Variants in NRXN3 observed in about 807,000 individuals in gnomAD.
NRXN3 encodes the protein neurexin 3.
In NRXN3, 32 loss-of-function variants were observed where a neutral mutation model predicts 137.6. That is an observed-to-expected ratio of 0.23 (90% confidence interval 0.18 to 0.31). NRXN3 has a LOEUF of 0.31. Ranked by LOEUF, NRXN3 falls within the 10% of genes least tolerant of loss-of-function variation. The probability of loss-of-function intolerance (pLI) is 1.00; values close to 1 mark genes in which losing one functional copy is unlikely to be tolerated. For missense variants in NRXN3, 1,574 were observed against 2,062.5 expected, an observed-to-expected ratio of 0.76 and a Z score of 4.59; for synonymous variants, 798 against 784.5, an observed-to-expected ratio of 1.02 and a Z score of -0.29.
intron 3 of NRXN3, chr14:78,283,048 A>G (rs2074628915): frequency 6.6e-6 from 1 of 152,242 alleles, no homozygotes; most frequent in African/African-American, 2.4e-5. Context: ...GGCTGTCTTT[A>G]CTGAGAAGTT....
rs555988367 is a variant in NRXN3, at chr14:79,561,253, A to T, written c.3444+93851A>T. Among the ~76,000 whole-genome samples, 44 of 152,228 alleles carry T rather than the reference A, an allele frequency of 2.9e-4. 1 individual carries two copies. Among genetic ancestry groups the T allele is most frequent in the Admixed American group, 2.6e-3 (40 of 15,278 alleles). Reference sequence around the variant, plus strand: ...ATGCTATTCAATAAAACCAGAAAGAAAATGAGAGTACAAGGGAAAGAAGAG... The same window carrying T: ...ATGCTATTCAATAAAACCAGAAAGATAATGAGAGTACAAGGGAAAGAAGAG... On this transcript the variant is annotated intron_variant, in intron 16 of 20. Transcript: ENST00000335750.
At chr14:79,600,798 C>G (rs1305033182) in intron 16 of NRXN3, among the ~76,000 whole-genome samples, 1 of 151,814 alleles carries the variant, frequency 6.6e-6, no homozygotes, top group East Asian at 1.9e-4. Context: ...GGAAAAATGG[C>G]TAATTCTAGC....
chr14:79,419,461 T>C (rs2153529995), intron 15 of NRXN3, among the ~76,000 whole-genome samples: 1 of 152,216 alleles, frequency 6.6e-6, no homozygotes, highest in East Asian at 1.9e-4. Flanking sequence ...AAAGCCAATT[T>C]ATAACTTTTA....
At chr14:79,784,547 A>G (rs2099123323) in intron 19 of NRXN3, among the ~76,000 whole-genome samples, 1 of 151,344 alleles carries the variant, frequency 6.6e-6, no homozygotes, top group African/African-American at 2.4e-5. Flanking sequence ...AGGCAAGAGC[A>G]TCTGATCTCC....
At chr14:78,226,496 A>G (rs1359056128) in intron 1 of NRXN3, among the ~76,000 whole-genome samples, 2 of 152,202 alleles carry the variant, frequency 1.3e-5, no homozygotes, top group African/African-American at 2.4e-5. Flanking sequence ...TTAAAAAGAG[A>G]GAGAGTTTTG....
intron 10 of NRXN3, among the ~76,000 whole-genome samples, chr14:78,832,960 T>A (rs2098986525): frequency 6.6e-6 from 1 of 152,146 alleles, no homozygotes; most frequent in South Asian, 2.1e-4. Flanking sequence ...GAATTTACAA[T>A]CTAAGTTTCA....
chr14:78,519,352 C>A (rs923668213), intron 4 of NRXN3, among the ~76,000 whole-genome samples: 1 of 152,126 alleles, frequency 6.6e-6, no homozygotes, highest in Non-Finnish European at 1.5e-5. Flanking sequence ...CCAACCTGCT[C>A]CAGTCATCAT....
intron 5 of NRXN3, 63 bp from the exon 6 acceptor site, chr14:78,651,101 TG>T: frequency 6.9e-7 from 1 of 1,450,020 alleles, no homozygotes; most frequent in Non-Finnish European, 9.5e-7. Flanking sequence ...GGGAAGCCAC[TG>T]GGTTATGATA....
Position 79,861,210 on chromosome 14 carries a change from C to A in NRXN3, c.4094-132C>A. On this transcript the variant is annotated intron_variant, in intron 20 of 20. Transcript: ENST00000335750. This position sits in a 1 kb window ranked among gnomAD's most constrained non-coding sequence, Gnocchi z 5.4. The stretch of plus-strand genomic sequence containing the variant: ...TCTGAGGCGGGGTTACCTTGCTTGT[C>A]GGACCAAGGCAGCGATGGTTGTGAT... 1 of 1,533,526 alleles carries A rather than the reference C, an allele frequency of 6.5e-7. No homozygotes were observed. 95.0% of individuals were successfully genotyped at this position (1,533,526 alleles called of 1,614,324 possible).
rs1391250005 is a variant in NRXN3 at position 79,864,698 on chromosome 14, G to C, written c.*2734G>C. On this transcript the variant is annotated 3_prime_UTR_variant, in exon 21 of 21. Coordinates refer to ENST00000335750, the MANE Select transcript of NRXN3 (RefSeq NM_001330195.2). Reference sequence around the variant, plus strand: ...GATAGAAACATTGTATTCTAGAAAAGATTATTGGATACTATGGTTTTGTTT... The same window carrying C: ...GATAGAAACATTGTATTCTAGAAAACATTATTGGATACTATGGTTTTGTTT... 1 of 152,138 alleles carries C rather than the reference G, an allele frequency of 6.6e-6. No homozygotes were observed. Among genetic ancestry groups the C allele is most frequent in the African/African-American group, 2.4e-5 (1 of 41,444 alleles). The allele number at this position is 152,138 out of a possible 1,614,324, so 9.4% of individuals were successfully genotyped here.
intron 4 of NRXN3, among the ~76,000 whole-genome samples, chr14:78,453,028 A>G (rs2153708212): frequency 6.6e-6 from 1 of 152,308 alleles, no homozygotes; most frequent in South Asian, 2.1e-4. Context: ...TCCTAAAGTG[A>G]CCCAGAACAA....
chr14:79,866,329 G>A lies in NRXN3; in HGVS notation c.*4365G>A, dbSNP rs903470159. On this transcript the variant is annotated 3_prime_UTR_variant, in exon 21 of 21. Transcript: ENST00000335750. ...TGGGAGCTTATCATCTAGTAAAGATGAACAAAAAATGGTACTATAGTGAAT... is the reference window on the plus strand; with the variant it reads ...TGGGAGCTTATCATCTAGTAAAGATAAACAAAAAATGGTACTATAGTGAAT... 6.6e-6 allele frequency: 1 copy of A among 151,820 alleles called. No individual in the cohort carries two copies. Among genetic ancestry groups the A allele is most frequent in the Non-Finnish European group, 1.5e-5 (1 of 67,934 alleles). 9.4% of individuals were successfully genotyped at this position (151,820 alleles called of 1,614,324 possible).
chr14:78,337,419 A>G (rs899009434), intron 4 of NRXN3, among the ~76,000 whole-genome samples: 18 of 152,124 alleles, frequency 1.2e-4, no homozygotes, highest in African/African-American at 4.1e-4. Flanking sequence ...GAAGGTGGCA[A>G]TGGGGGTTAT....
At chr14:78,203,154 C>G (rs886430235) in intron 1 of NRXN3, among the ~76,000 whole-genome samples, 1 of 152,156 alleles carries the variant, frequency 6.6e-6, no homozygotes, top group East Asian at 1.9e-4. Flanking sequence ...TGGGAATGTG[C>G]CCTGGGGGCC....
At chr14:79,643,880 T>A (rs1351391047) in intron 16 of NRXN3, among the ~76,000 whole-genome samples, 20 of 135,698 alleles carry the variant, frequency 1.5e-4, no homozygotes, top group African/African-American at 4.9e-4. Context: ...TTGTCTCCAT[T>A]ATTGCCTTTA....
chr14:78,330,487 T>C (rs915144034), intron 4 of NRXN3, among the ~76,000 whole-genome samples: 3 of 152,134 alleles, frequency 2.0e-5, no homozygotes, highest in African/African-American at 7.2e-5. Context: ...CCAAACAAAT[T>C]TAAATCTTTC....
chr14:78,229,220 C>T (rs550713571), intron 1 of NRXN3, among the ~76,000 whole-genome samples: 2 of 151,986 alleles, frequency 1.3e-5, no homozygotes, highest in Admixed American at 1.3e-4. Context: ...AAGATTCCAC[C>T]TCCTACTTCT....
chr14:78,452,736 G>A (rs185369544), intron 4 of NRXN3, among the ~76,000 whole-genome samples: 1 of 152,262 alleles, frequency 6.6e-6, no homozygotes, highest in Admixed American at 6.5e-5. Flanking sequence ...ACCCCAGCTT[G>A]GCAGTTGCAG....
At chr14:78,514,912 A>G (rs955770875) in intron 4 of NRXN3, among the ~76,000 whole-genome samples, 1 of 152,146 alleles carries the variant, frequency 6.6e-6, no homozygotes, top group African/African-American at 2.4e-5. Context: ...CAGAGGGAAC[A>G]GCTAATGCAA....
Sources: allele counts gnomAD v4.1 joint callset (sites outside exome capture counted in the v4.1 genomes callset), GRCh38; gene constraint gnomAD v4.1.1; non-coding constraint Gnocchi (gnomAD v3.1); transcripts MANE v1.5; gene names NCBI Gene and HGNC (gene_info 2026-07-23, HGNC 2026-07-21).